Variants in ARHGAP15 observed in about 807,000 individuals in gnomAD.
The protein encoded by ARHGAP15 is Rho GTPase activating protein 15.
A neutral mutation model predicts 63.7 loss-of-function variants in ARHGAP15; 51 were observed. The ratio of observed to expected loss-of-function variants is 0.80; its 90% CI spans 0.64 to 1.01. The LOEUF is 1.01. Ranked by LOEUF, ARHGAP15 falls within the 50% of genes least tolerant of loss-of-function variation. The pLI is 0.00. For missense variants in ARHGAP15, 560 were observed against 564.6 expected (o/e 0.99, Z 0.08); for synonymous variants, 191 against 193.8 (o/e 0.99, Z 0.12).
intron 12 of ARHGAP15, among the ~76,000 whole-genome samples, chr2:143,641,697 T>C (rs1183310054): frequency 6.6e-6 from 1 of 152,140 alleles, no homozygotes; most frequent in Non-Finnish European, 1.5e-5. Flanking sequence ...ATTTATGATA[T>C]AAACTTAGCT....
intron 11 of ARHGAP15, among the ~76,000 whole-genome samples, chr2:143,590,523 C>G (rs567607213): frequency 6.6e-6 from 1 of 152,244 alleles, no homozygotes; most frequent in Admixed American, 6.5e-5. Context: ...TCCTCCAGGT[C>G]ACTCCTCTCT....
At chr2:143,268,175 GTT>G (rs200736838) in intron 6 of ARHGAP15, among the ~76,000 whole-genome samples, 18 of 142,778 alleles carry the variant, frequency 1.3e-4, no homozygotes, top group South Asian at 6.6e-4. Context: ...ATAGAGTGTA[GTT>G]TTTTTTTTTT....
chr2:143,375,278 A>G (rs534349826), intron 6 of ARHGAP15, among the ~76,000 whole-genome samples: 2 of 152,266 alleles, frequency 1.3e-5, no homozygotes, highest in African/African-American at 4.8e-5. Flanking sequence ...ACTATAATCA[A>G]TAGAAATGTC....
At chr2:143,682,232 TA>T (rs1276486189) in intron 12 of ARHGAP15, among the ~76,000 whole-genome samples, 1 of 152,188 alleles carries the variant, frequency 6.6e-6, no homozygotes, top group Non-Finnish European at 1.5e-5. Context: ...TGGTAAATGT[TA>T]CTCTCTTCAA....
At chr2:143,618,833 C>A (rs970631216) in intron 11 of ARHGAP15, among the ~76,000 whole-genome samples, 4 of 148,802 alleles carry the variant, frequency 2.7e-5, no homozygotes, top group African/African-American at 7.4e-5. Context: ...GGGTAAACTC[C>A]TTTTTTTTTT....
At chr2:143,592,160 A>T (rs1697346615) in intron 11 of ARHGAP15, among the ~76,000 whole-genome samples, 2 of 152,124 alleles carry the variant, frequency 1.3e-5, no homozygotes, top group Admixed American at 1.3e-4. Context: ...TAAACAATTC[A>T]TTTTTAAAAT....
intron 8 of ARHGAP15, among the ~76,000 whole-genome samples, chr2:143,471,199 T>TATATGTGTGTATATATACACACAC (rs1558994004): frequency 7.1e-6 from 1 of 141,120 alleles, no homozygotes; most frequent in Admixed American, 7.0e-5. Flanking sequence ...TATACACACA[T>TATATGTGTGTATATATACACACAC]ATATGTGTGT....
intron 12 of ARHGAP15, among the ~76,000 whole-genome samples, chr2:143,662,843 A>C (rs1441597146): frequency 7.4e-6 from 1 of 135,308 alleles, no homozygotes; most frequent in African/African-American, 2.8e-5. Flanking sequence ...AATGAAATGA[A>C]GCAAGAAGGG....
In ARHGAP15 at chr2:143,556,391, T is replaced by C. The variant is rs989712526; in HGVS notation, c.926-17T>C. On this transcript the variant is annotated splice_polypyrimidine_tract_variant and intron_variant, in intron 10 of 13. Transcript: ENST00000295095. Reference sequence around the variant, plus strand: ...TTCCTATATGTGCTAATATAAAATATGCCCTTTTGTCTTCAGGTCTAGATG... The same window carrying C: ...TTCCTATATGTGCTAATATAAAATACGCCCTTTTGTCTTCAGGTCTAGATG... 1 of 1,582,972 alleles carries C rather than the reference T, an allele frequency of 6.3e-7. No homozygotes were observed. The highest frequency in any genetic ancestry group is 8.6e-7 in the Non-Finnish European group (1 of 1,160,576).
chr2:143,295,348 C>T (rs968562349), intron 6 of ARHGAP15: 1 of 152,014 alleles, frequency 6.6e-6, no homozygotes, highest in African/African-American at 2.4e-5. Context: ...GATTACTTAC[C>T]TTGTCCAAGT....
At chr2:143,508,949 GAAAC>G (rs1255355224) in intron 9 of ARHGAP15, among the ~76,000 whole-genome samples, 2 of 152,176 alleles carry the variant, frequency 1.3e-5, no homozygotes, top group South Asian at 2.1e-4. Flanking sequence ...AGAAGCCTGA[GAAAC>G]AAAGAGAAAA....
At chr2:143,706,067 T>A (rs1200452365) in intron 13 of ARHGAP15, among the ~76,000 whole-genome samples, 2 of 152,208 alleles carry the variant, frequency 1.3e-5, no homozygotes, top group Admixed American at 1.3e-4. Context: ...TGGGAAGAAG[T>A]GTTGTTTGCT....
intron 2 of ARHGAP15, among the ~76,000 whole-genome samples, chr2:143,198,712 A>T (rs554946093): frequency 1.3e-5 from 2 of 152,258 alleles, no homozygotes; most frequent in Admixed American, 6.5e-5. Flanking sequence ...GTATGCCCAT[A>T]AGAATTTAGT....
rs565378295 is a variant in ARHGAP15 at position 143,202,033 on chromosome 2, C to G, written c.166-101C>G. ...CTTCTCATTTTATATCTACTTAATT[C>G]ACATGCTTGAATAACACTGAATTGG... On this transcript the variant is annotated intron_variant, in intron 2 of 13. Transcript: ENST00000295095. 2.6e-5 allele frequency: 23 copies of G among 891,944 alleles called. No individual in the cohort carries two copies. In the African/African-American group the frequency reaches 3.5e-4, roughly 14 times the overall value. 55.3% of individuals were successfully genotyped at this position (891,944 alleles called of 1,614,324 possible).
chr2:143,733,312 A>G (rs1411999294), intron 13 of ARHGAP15, among the ~76,000 whole-genome samples: 1 of 152,206 alleles, frequency 6.6e-6, no homozygotes, highest in Admixed American at 6.5e-5. Flanking sequence ...GCTGAAAAGG[A>G]TGGAGATCTG....
intron 3 of ARHGAP15, among the ~76,000 whole-genome samples, chr2:143,203,827 G>T (rs1325383061): frequency 1.3e-5 from 2 of 152,026 alleles, no homozygotes; most frequent in African/African-American, 4.8e-5. Context: ...TTTAGACCAT[G>T]TAACACTAGC....
intron 6 of ARHGAP15, among the ~76,000 whole-genome samples, chr2:143,300,521 T>A (rs1423979681): frequency 6.6e-6 from 1 of 151,982 alleles, no homozygotes; most frequent in East Asian, 1.9e-4. Context: ...AAACAAACAT[T>A]CAGACCTGGA....
intron 11 of ARHGAP15, among the ~76,000 whole-genome samples, chr2:143,621,575 T>C (rs10469561): frequency 2.0e-5 from 3 of 152,192 alleles, no homozygotes; most frequent in Admixed American, 6.5e-5. Flanking sequence ...TCTTTCCAAC[T>C]ATTTGCCATA....
chr2:143,278,848 G>A (rs906214814), intron 6 of ARHGAP15, among the ~76,000 whole-genome samples: 1 of 149,966 alleles, frequency 6.7e-6, no homozygotes, highest in Non-Finnish European at 1.5e-5. Context: ...ACCTAGCTAC[G>A]CTGAAGAGTT....
Sources: allele counts gnomAD v4.1 joint callset (sites outside exome capture counted in the v4.1 genomes callset), GRCh38; gene constraint gnomAD v4.1.1; transcripts MANE v1.5; gene names NCBI Gene and HGNC (gene_info 2026-07-23, HGNC 2026-07-21).